Variants in MAPKBP1 observed in about 807,000 individuals in gnomAD.
The protein encoded by MAPKBP1 is mitogen-activated protein kinase binding protein 1.
A neutral mutation model predicts 170.5 loss-of-function variants in MAPKBP1; 71 were observed. That is an observed-to-expected ratio of 0.42 (90% CI 0.34 to 0.51). The LOEUF is 0.51. Ranked by LOEUF, MAPKBP1 falls within the 20% of genes least tolerant of loss-of-function variation. MAPKBP1 has a pLI of 0.06. For synonymous variants in MAPKBP1, 719 were observed against 757.9 expected (o/e 0.95, Z 0.84); for missense variants, 1,598 against 1,933.0 (o/e 0.83, Z 3.25).
intron 3 of MAPKBP1, among the ~76,000 whole-genome samples, chr15:41,801,849 T>TAA (rs1265891162): frequency 6.6e-6 from 1 of 150,718 alleles, no homozygotes; most frequent in South Asian, 2.1e-4. Context: ...GACTCTGTCT[T>TAA]AAAAAAAAAC....
intron 22 of MAPKBP1, among the ~76,000 whole-genome samples, chr15:41,820,397 G>C (rs1377832002): frequency 2.6e-5 from 4 of 152,138 alleles, no homozygotes; most frequent in Non-Finnish European, 1.5e-5. Flanking sequence ...ACAGGCAGAA[G>C]TGGCCTTTGC....
In MAPKBP1 at chr15:41,819,548, G is replaced by GGGGC. The variant is rs1555454028; in HGVS notation, c.2426-44_2426-43insCGGG. The stretch of plus-strand genomic sequence containing the variant: ...GGCCAGGGCTCCAGGGTTGGGTGGC[G>GGGGC]GGGGGGGGGCAGGAGACACTTCCTC... On this transcript the variant is annotated intron_variant, in intron 21 of 30. Coordinates refer to ENST00000457542, the MANE Select transcript of MAPKBP1 (RefSeq NM_014994.3). 54 of 993,414 alleles carry GGGGC rather than the reference G, an allele frequency of 5.4e-5. 1 individual carries two copies. Among genetic ancestry groups the GGGGC allele is most frequent in the Middle Eastern group, 2.4e-4 (1 of 4,156 alleles). 61.5% of individuals were successfully genotyped at this position (993,414 alleles called of 1,614,324 possible). A position where few individuals can be genotyped will look rare whatever the true frequency, so the allele number is the denominator to read the frequency against.
At chr15:41,824,332 G>A (rs1244764537) in intron 29 of MAPKBP1, 152 bp from the exon 30 acceptor site, 22 of 799,868 alleles carry the variant, frequency 2.8e-5, no homozygotes, top group Non-Finnish European at 3.9e-5. Flanking sequence ...GTGTTGGGGA[G>A]GCCGTTGGAA....
rs188050401 is a variant in MAPKBP1 at position 41,815,037 on chromosome 15, G to A, written c.1171-222G>A. On this transcript the variant is annotated intron_variant, in intron 10 of 30. Coordinates refer to ENST00000457542, the MANE Select transcript of MAPKBP1 (RefSeq NM_014994.3). ...CACCTAATTGTTCTAAGAATAAAAT[G>A]AAATAATGTAAGTGGGAGACATAGA... 1.4e-3 allele frequency among the ~76,000 whole-genome samples: 209 copies of A among 152,304 alleles called. 1 individual carries two copies. Among genetic ancestry groups the A allele is most frequent in the African/African-American group, 4.7e-3 (197 of 41,566 alleles).
At chr15:41,819,715 G>A (rs2064962134) in intron 22 of MAPKBP1, 65 bp downstream of exon 22, 9 of 1,505,102 alleles carry the variant, frequency 6.0e-6, no homozygotes, top group Non-Finnish European at 7.3e-6. Flanking sequence ...GTGAGAACAG[G>A]GCTCTCTGGG....
rs1317997343 is a variant in MAPKBP1 at position 41,822,856 on chromosome 15, CT to C, written c.3315-82del. On this transcript the variant is annotated intron_variant, in intron 27 of 30. Transcript: ENST00000457542. The stretch of plus-strand genomic sequence containing the variant: ...TTTGTGCTTGTTCTCTCCTAGTGCC[CT>C]GGTGCTATGAGTTTCTCGCCATTTT... The C allele has an allele frequency of 5.3e-6, 8 of 1,518,162 alleles. No homozygotes were observed. The African/African-American group carries it at 9.6e-5, about 18-fold the overall frequency. The allele number at this position is 1,518,162 out of a possible 1,614,324, so 94.0% of individuals were successfully genotyped here.
At chr15:41,790,381 G>T (rs1465917753) in intron 2 of MAPKBP1, among the ~76,000 whole-genome samples, 1 of 152,132 alleles carries the variant, frequency 6.6e-6, no homozygotes, top group African/African-American at 2.4e-5. Flanking sequence ...CAGGGGAAGT[G>T]GATAGGGTGG....
rs1403527938 is a variant in MAPKBP1, at chr15:41,818,397, T to C, written c.2092+92T>C. ...GGAACTTCACTCTTCTATTAGTTTC[T>C]TGGGACCCGCAGAGCTACCTATCCC... is the stretch of plus-strand genomic sequence containing the variant. On this transcript the variant is annotated intron_variant, in intron 18 of 30. Coordinates refer to ENST00000457542, the MANE Select transcript of MAPKBP1 (RefSeq NM_014994.3). This position sits in a 1 kb window ranked among gnomAD's most constrained non-coding sequence, Gnocchi z 5.2. 2.1e-6 allele frequency: 3 copies of C among 1,406,944 alleles called. No individual in the cohort carries two copies. Among genetic ancestry groups the C allele is most frequent in the African/African-American group, 2.8e-5 (2 of 70,820 alleles). The allele number at this position is 1,406,944 out of a possible 1,614,324, so 87.2% of individuals were successfully genotyped here. A position where few individuals can be genotyped will look rare whatever the true frequency, so the allele number is the denominator to read the frequency against.
rs564831420 is a variant in MAPKBP1 at position 41,813,059 on chromosome 15, G to A, written c.777G>A (p.Glu259=). 19 of 1,612,486 alleles carry A rather than the reference G, an allele frequency of 1.2e-5. No individual in the cohort carries two copies. Among genetic ancestry groups the A allele is most frequent in the Non-Finnish European group, 1.6e-5 (19 of 1,179,160 alleles). ...FCITSSGLLC[E]FSDRRLLDKW... is the part of the protein sequence containing the mutation. ...TCACGTCCTCAGGGCTGCTGTGCGA[G>A]TTCAGTGATCGAAGGCTTTTGGACA... Residue 259 remains glutamate, a synonymous_variant, in exon 8 of 31, where the codon GAG becomes GAA. Coordinates refer to ENST00000457542, the MANE Select transcript of MAPKBP1 (RefSeq NM_014994.3).
intron 2 of MAPKBP1, among the ~76,000 whole-genome samples, chr15:41,778,227 G>A (rs575624812): frequency 6.6e-6 from 1 of 152,330 alleles, no homozygotes; most frequent in East Asian, 1.9e-4. Flanking sequence ...GATAAACTTG[G>A]ACATCCAGGT....
intron 2 of MAPKBP1, among the ~76,000 whole-genome samples, chr15:41,777,494 T>TGCTTCAGA (rs1201553525): frequency 6.6e-6 from 1 of 152,232 alleles, no homozygotes; most frequent in Admixed American, 6.5e-5. Flanking sequence ...AGGAATTCAG[T>TGCTTCAGA]GCTTCAGACT....
At chr15:41,813,231 G>A (rs2152079118) in intron 8 of MAPKBP1, 130 bp downstream of exon 8, 1 of 1,505,960 alleles carries the variant, frequency 6.6e-7, no homozygotes. Flanking sequence ...GAAGCTTGGG[G>A]GAGCTAGAGC....
chr15:41,790,185 C>A (rs867776365), intron 2 of MAPKBP1, among the ~76,000 whole-genome samples: 2 of 152,180 alleles, frequency 1.3e-5, no homozygotes, highest in Non-Finnish European at 2.9e-5. Context: ...TTTGTACCCC[C>A]GGTGCGTTCT....
At position 41,774,567 on chromosome 15, in the gene MAPKBP1, C is replaced by G. The variant is rs1042991511; in HGVS notation, c.-153C>G. 1 of 398,582 alleles carries G rather than the reference C, an allele frequency of 2.5e-6. No homozygotes were observed. The highest frequency in any genetic ancestry group is 4.4e-5 in the Admixed American group (1 of 22,724). The allele number at this position is 398,582 out of a possible 1,614,324, so 24.7% of individuals were successfully genotyped here. ...GGAGCTGAAATTGCCGAACGCGATG[C>G]CCGAGGGCGCTGTGAGCGGGGTGGC... On this transcript the variant is annotated 5_prime_UTR_variant, in exon 1 of 31. Transcript: ENST00000457542.
intron 2 of MAPKBP1, among the ~76,000 whole-genome samples, chr15:41,798,175 G>A (rs868850635): frequency 1.2e-4 from 17 of 147,462 alleles, no homozygotes; most frequent in African/African-American, 2.2e-4. Context: ...GCGTGAACCC[G>A]GGAGGTGGAG....
At chr15:41,814,469 C>G in intron 9 of MAPKBP1, 81 bp from the exon 10 acceptor site, 9 of 1,415,548 alleles carry the variant, frequency 6.4e-6, no homozygotes, top group African/African-American at 1.4e-5. Flanking sequence ...GGGCTCCTCA[C>G]ACACTGCTCC....
chr15:41,783,151 G>C (rs2064220136), intron 2 of MAPKBP1, among the ~76,000 whole-genome samples: 1 of 152,212 alleles, frequency 6.6e-6, no homozygotes, highest in Non-Finnish European at 1.5e-5. Flanking sequence ...TTGTTTTTGT[G>C]TGTGGGTATC....
At chr15:41,824,600 C>T (rs1230265927) in intron 30 of MAPKBP1, 31 bp downstream of exon 30, 11 of 1,555,346 alleles carry the variant, frequency 7.1e-6, no homozygotes, top group Admixed American at 5.5e-5. Context: ...GGCAGGAAGG[C>T]GGGCACGTCA....
intron 23 of MAPKBP1, 71 bp downstream of exon 23, chr15:41,821,139 A>C: frequency 1.4e-6 from 2 of 1,394,400 alleles, no homozygotes; most frequent in Non-Finnish European, 2.0e-6. Context: ...ACCAGCTGGG[A>C]CCTGAGCACT....
Sources: gnomAD v4.1 joint callset for allele counts (sites outside exome capture counted in the v4.1 genomes callset) on GRCh38, gnomAD v4.1.1 for gene constraint, Gnocchi (gnomAD v3.1) non-coding constraint, MANE v1.5 for transcripts, NCBI Gene and HGNC (gene_info 2026-07-23, HGNC 2026-07-21) for gene names.